Variants in WNT3 observed in about 807,000 individuals in gnomAD.
WNT3 encodes proto-oncogene Wnt-3.
A neutral mutation model predicts 34.2 loss-of-function variants in WNT3; 7 were observed. The ratio of observed to expected loss-of-function variants is 0.20; its 90% confidence interval spans 0.12 to 0.38. The LOEUF is 0.38. Among genes scored for constraint, WNT3 ranks in the 10% least tolerant of loss-of-function variants. WNT3 has a pLI of 1.00. For missense variants in WNT3, 267 were observed against 499.8 expected, an observed-to-expected ratio of 0.53 and a Z score of 4.44; for synonymous variants, 212 against 211.5, an observed-to-expected ratio of 1.00 and a Z score of -0.02.
chr17:46,770,485 G>A (rs1237039600), intron 2 of WNT3, among the ~76,000 whole-genome samples: 1 of 152,148 alleles, frequency 6.6e-6, no homozygotes, highest in Non-Finnish European at 1.5e-5. Flanking sequence ...CTGTAAGGAG[G>A]GAGGCCTGGG....
rs1266510350 is a variant in WNT3 at position 46,768,597 on chromosome 17, G to C, written c.791C>G (p.Ser264Trp). 1 of 1,614,186 alleles carries C rather than the reference G, an allele frequency of 6.2e-7. No individual in the cohort carries two copies. Among genetic ancestry groups the C allele is most frequent in the South Asian group, 1.1e-5 (1 of 91,088 alleles). Residue 264 changes from serine to tryptophan, a missense_variant, in exon 4 of 5, where the codon TCG becomes TGG. By Grantham distance (177) the Ser-to-Trp change is radical (BLOSUM62 -3). Transcript: ENST00000225512. This position sits in a 1 kb window ranked among gnomAD's most constrained non-coding sequence, Gnocchi z 5.0. Reference sequence around the variant, plus strand: ...CCTCTCCGTGGGTGGCTTGAAGAGCGAGTACTTGGCCCGGAGGGTCTCCAC... The same window carrying C: ...CCTCTCCGTGGGTGGCTTGAAGAGCCAGTACTTGGCCCGGAGGGTCTCCAC... ...GWVETLRAKY[S>W]LFKPPTERDL...
chr17:46,787,680 G>A (rs982022353), intron 1 of WNT3, among the ~76,000 whole-genome samples: 4 of 152,178 alleles, frequency 2.6e-5, no homozygotes, highest in African/African-American at 7.2e-5. Flanking sequence ...TCGGCCGGGC[G>A]CGGTGGCTCA....
intron 1 of WNT3, among the ~76,000 whole-genome samples, chr17:46,813,401 T>C (rs2084301089): frequency 7.0e-6 from 1 of 143,766 alleles, no homozygotes; most frequent in Non-Finnish European, 1.5e-5. Flanking sequence ...CTCCCCACTC[T>C]CACCATTTTC....
At chr17:46,794,061 T>G (rs2084022106) in intron 1 of WNT3, among the ~76,000 whole-genome samples, 1 of 151,996 alleles carries the variant, frequency 6.6e-6, no homozygotes, top group South Asian at 2.1e-4. Flanking sequence ...ACAGGCATGT[T>G]CATAGGGAAC....
At chr17:46,810,067 T>C (rs936735714) in intron 1 of WNT3, among the ~76,000 whole-genome samples, 1 of 146,836 alleles carries the variant, frequency 6.8e-6, no homozygotes, top group Non-Finnish European at 1.5e-5. Flanking sequence ...AAGGCAGTGG[T>C]GCAATCTCGG....
At chr17:46,802,318 T>A (rs940610946) in intron 1 of WNT3, among the ~76,000 whole-genome samples, 7 of 152,286 alleles carry the variant, frequency 4.6e-5, no homozygotes, top group African/African-American at 1.4e-4. Context: ...CTGGCTGGAG[T>A]GCAGTGTTGT....
At chr17:46,777,378 C>T (rs1053187010) in intron 1 of WNT3, among the ~76,000 whole-genome samples, 20 of 152,230 alleles carry the variant, frequency 1.3e-4, no homozygotes, top group African/African-American at 4.8e-4. Flanking sequence ...CAAGGGGCTC[C>T]CTGCTTCCTG....
At position 46,768,393 on chromosome 17, in the gene WNT3, C is replaced by T; in HGVS notation, c.995G>A (p.Cys332Tyr). ...RTEKRKEKCH[C>Y]IFHWCCYVSC... The stretch of plus-strand genomic sequence containing the variant: ...GACGTAGCAGCACCAGTGGAAGATG[C>T]AGTGGCATTTTTCCTTCCGCTTCTC... Residue 332 changes from cysteine (C) to tyrosine (Y), a missense_variant, in exon 4 of 5, where the codon TGC becomes TAC. Physicochemically the swap from Cys to Tyr is radical, Grantham distance 194. Around this residue, in one of 3 missense-constraint regions of WNT3, gnomAD observed 60 missense variants for 82.7 expected, o/e 0.73. Coordinates refer to ENST00000225512, the MANE Select transcript of WNT3 (RefSeq NM_030753.5). The surrounding 1 kb of genome is among the most constrained non-coding windows in gnomAD (Gnocchi z 5.0). 1 of 1,613,920 alleles carries T rather than the reference C, an allele frequency of 6.2e-7. No individual in the cohort carries two copies. Among genetic ancestry groups the T allele is most frequent in the Non-Finnish European group, 8.5e-7 (1 of 1,180,038 alleles).
At chr17:46,772,414 G>C (rs1339460346) in intron 2 of WNT3, among the ~76,000 whole-genome samples, 1 of 152,232 alleles carries the variant, frequency 6.6e-6, no homozygotes, top group Non-Finnish European at 1.5e-5. Context: ...AGAGCGATCA[G>C]AGGTGACTCG....
chr17:46,804,664 G>A (rs2084169646), intron 1 of WNT3, among the ~76,000 whole-genome samples: 1 of 152,194 alleles, frequency 6.6e-6, no homozygotes, highest in Non-Finnish European at 1.5e-5. Context: ...GGGTCACCTG[G>A]GAGGAATTGT....
intron 1 of WNT3, among the ~76,000 whole-genome samples, chr17:46,803,400 G>A (rs529924636): frequency 1.3e-5 from 2 of 152,172 alleles, no homozygotes; most frequent in South Asian, 2.1e-4. Flanking sequence ...CAGGTGTGGC[G>A]GTGCACACCT....
chr17:46,778,971 C>T (rs1295365084), intron 1 of WNT3, among the ~76,000 whole-genome samples: 1 of 151,876 alleles, frequency 6.6e-6, no homozygotes, highest in Non-Finnish European at 1.5e-5. Flanking sequence ...GTTTCCAATT[C>T]CATCTGGCTA....
At chr17:46,804,487 T>A (rs1321443626) in intron 1 of WNT3, among the ~76,000 whole-genome samples, 77 of 152,204 alleles carry the variant, frequency 5.1e-4, no homozygotes, top group Non-Finnish European at 9.7e-4. Flanking sequence ...GGAAGGGAAG[T>A]GCTGTAAGAC....
intron 1 of WNT3, among the ~76,000 whole-genome samples, chr17:46,807,536 T>C (rs1186991145): frequency 1.3e-5 from 2 of 152,166 alleles, no homozygotes; most frequent in Non-Finnish European, 2.9e-5. Flanking sequence ...GGAATTCTCA[T>C]AACTCAAAAC....
At chr17:46,775,275 G>A (rs940899424) in intron 1 of WNT3, among the ~76,000 whole-genome samples, 11 of 152,228 alleles carry the variant, frequency 7.2e-5, no homozygotes, top group African/African-American at 2.4e-4. Context: ...GCTTGCCTAC[G>A]GCTTTTTGGT....
At chr17:46,788,514 T>G (rs1398083288) in intron 1 of WNT3, among the ~76,000 whole-genome samples, 1 of 152,202 alleles carries the variant, frequency 6.6e-6, no homozygotes, top group Non-Finnish European at 1.5e-5. Context: ...CAGACTTCTA[T>G]TCATCCCTCA....
At chr17:46,811,507 G>C (rs993529377) in intron 1 of WNT3, among the ~76,000 whole-genome samples, 2 of 152,128 alleles carry the variant, frequency 1.3e-5, no homozygotes, top group African/African-American at 2.4e-5. Flanking sequence ...CTGAAGAACC[G>C]GGTTTCAGCC....
intron 1 of WNT3, among the ~76,000 whole-genome samples, chr17:46,791,147 G>A (rs2083981013): frequency 6.6e-6 from 1 of 151,972 alleles, no homozygotes; most frequent in Non-Finnish European, 1.5e-5. Flanking sequence ...TGGGTTGGGG[G>A]CTCCACACCT....
At chr17:46,816,119 A>ACACACACACACGCGCACG (rs71138553) in intron 1 of WNT3, among the ~76,000 whole-genome samples, 11 of 150,552 alleles carry the variant, frequency 7.3e-5, no homozygotes, top group African/African-American at 2.2e-4. Flanking sequence ...ACGTACACAC[A>ACACACACACACGCGCACG]CACACACACA....
Sources: allele counts gnomAD v4.1 joint callset (sites outside exome capture counted in the v4.1 genomes callset), GRCh38; gene constraint gnomAD v4.1.1; regional missense constraint gnomAD v4.1.1; non-coding constraint Gnocchi (gnomAD v3.1); transcripts MANE v1.5; gene names NCBI Gene and HGNC (gene_info 2026-07-23, HGNC 2026-07-21).